CTTN: variants seen among roughly 807,000 people sequenced by gnomAD.
CTTN encodes the protein src substrate cortactin.
A neutral mutation model predicts 84.0 loss-of-function variants in CTTN; 28 were observed. The ratio of observed to expected loss-of-function variants is 0.33; its 90% CI spans 0.25 to 0.46. The LOEUF is 0.46. Among genes scored for constraint, CTTN ranks in the 20% least tolerant of loss-of-function variants. The pLI is 1.00. For synonymous variants in CTTN, 301 were observed against 288.8 expected (o/e 1.04, Z -0.43); for missense variants, 641 against 723.8 (o/e 0.89, Z 1.31).
At chr11:70,400,327 A>G (rs1307311201) in intron 1 of CTTN, among the ~76,000 whole-genome samples, 2 of 152,112 alleles carry the variant, frequency 1.3e-5, no homozygotes, top group South Asian at 2.1e-4. Context: ...TTCGCTGGGC[A>G]TGTTGGCTTG....
At chr11:70,400,283 A>G (rs1051726394) in intron 1 of CTTN, among the ~76,000 whole-genome samples, 1 of 152,144 alleles carries the variant, frequency 6.6e-6, no homozygotes, top group Non-Finnish European at 1.5e-5. Flanking sequence ...AGCCTGGGCA[A>G]CACAGGGAGA....
chr11:70,414,944 G>A (rs1591438093), intron 6 of CTTN, among the ~76,000 whole-genome samples: 1 of 152,264 alleles, frequency 6.6e-6, no homozygotes, highest in Admixed American at 6.5e-5. Flanking sequence ...GTTTCCACCC[G>A]TGTTTCTCAC....
In CTTN at chr11:70,433,353, C is replaced by T. The variant is rs991137256; in HGVS notation, c.1444+75C>T. 5 of 1,433,822 alleles carry T rather than the reference C, an allele frequency of 3.5e-6. No homozygotes were observed. In the African/African-American group the frequency reaches 4.3e-5, roughly 12 times the overall value. 88.8% of individuals were successfully genotyped at this position (1,433,822 alleles called of 1,614,324 possible). A position where few individuals can be genotyped will look rare whatever the true frequency, so the allele number is the denominator to read the frequency against. ...GGACATCCTGCTCGACCTGTGGCGT[C>T]GTTGCGAGGAGCGTGGGTTTCCCAC... is the stretch of plus-strand genomic sequence containing the variant. On this transcript the variant is annotated intron_variant, in intron 16 of 17. Coordinates refer to ENST00000301843, the MANE Select transcript of CTTN (RefSeq NM_005231.4).
rs377198643 is a variant in CTTN, at chr11:70,420,012, CACA to C, written c.679+157_679+159del. The C allele has an allele frequency of 7.4e-4, 475 of 644,040 alleles. 8 individuals are homozygous for C. In the South Asian group the frequency reaches 8.4e-3, roughly 11 times the overall value. The allele number at this position is 644,040 out of a possible 1,614,324, so 39.9% of individuals were successfully genotyped here. On this transcript the variant is annotated intron_variant, in intron 9 of 17. Transcript: ENST00000301843. ...AACTTGAAAACGGCACATCCAGAAA[CACA>C]GCTGCTAAATAGGAACTCGCAGCTT...
chr11:70,422,890 C>G (rs761522121), intron 11 of CTTN, 50 bp from the exon 12 acceptor site: 1 of 1,613,572 alleles, frequency 6.2e-7, no homozygotes, highest in South Asian at 1.1e-5. Flanking sequence ...ACGGCCACCC[C>G]CATGCTCGCC....
chr11:70,428,085 G>T (rs12787159), intron 13 of CTTN, among the ~76,000 whole-genome samples: 31,485 of 150,396 alleles, frequency 0.21, 3,614 homozygotes, highest in Admixed American at 0.26. Flanking sequence ...TCTATTCATG[G>T]TCCTTGAGAC....
intron 15 of CTTN, among the ~76,000 whole-genome samples, chr11:70,431,923 C>T (rs1281304761): frequency 6.6e-6 from 1 of 152,148 alleles, no homozygotes; most frequent in Non-Finnish European, 1.5e-5. Context: ...CTACCTGTAA[C>T]CACCTCTCCT....
At chr11:70,407,271 C>T (rs181476873) in intron 2 of CTTN, 27 bp from the exon 3 acceptor site, 496 of 1,547,770 alleles carry the variant, frequency 3.2e-4, no homozygotes, top group African/African-American at 2.8e-3. Context: ...CTGAGGCCTC[C>T]GTAACCCTCC....
intron 10 of CTTN, among the ~76,000 whole-genome samples, chr11:70,421,154 C>G (rs906973524): frequency 6.6e-6 from 1 of 152,228 alleles, no homozygotes; most frequent in Non-Finnish European, 1.5e-5. Flanking sequence ...GATACGCACA[C>G]TCGTCTGCAG....
intron 4 of CTTN, chr11:70,408,042 T>G (rs1029243626): frequency 2.6e-5 from 4 of 156,366 alleles, no homozygotes; most frequent in African/African-American, 9.6e-5. Flanking sequence ...GAGCTTTGTG[T>G]TCTTATCGAA....
chr11:70,404,739 A>G (rs755648345), intron 1 of CTTN, among the ~76,000 whole-genome samples: 1 of 152,240 alleles, frequency 6.6e-6, no homozygotes, highest in Non-Finnish European at 1.5e-5. Flanking sequence ...GCCATGCCTC[A>G]CACCTGTAAT....
rs1172210639 is a variant in CTTN at position 70,425,455 on chromosome 11, G to A, written c.1027+54G>A. On this transcript the variant is annotated intron_variant, in intron 13 of 17. Coordinates refer to ENST00000301843, the MANE Select transcript of CTTN (RefSeq NM_005231.4). Reference sequence around the variant, plus strand: ...GTGTGGTTTCCCAGGAAAACACTGAGGGGAAGGACAGTTGTGAAACAGCCA... The same window carrying A: ...GTGTGGTTTCCCAGGAAAACACTGAAGGGAAGGACAGTTGTGAAACAGCCA... 4 of 1,384,324 alleles carry A rather than the reference G, an allele frequency of 2.9e-6. No individual in the cohort carries two copies. In the Admixed American group the frequency reaches 7.3e-5, roughly 25 times the overall value. 85.8% of individuals were successfully genotyped at this position (1,384,324 alleles called of 1,614,324 possible).
In CTTN at chr11:70,404,432, C is replaced by T. The variant is rs563688263; in HGVS notation, c.-97-833C>T. ...TTGCTCCCTGCGCGGTAACCGTGTACGTTCATTAGGAATGCAGCCCGCCTC... is the reference window on the plus strand; with the variant it reads ...TTGCTCCCTGCGCGGTAACCGTGTATGTTCATTAGGAATGCAGCCCGCCTC... On this transcript the variant is annotated intron_variant, in intron 1 of 17. Transcript: ENST00000301843. 2.6e-5 allele frequency among the ~76,000 whole-genome samples: 4 copies of T among 152,246 alleles called. No individual in the cohort carries two copies. In the East Asian group the frequency reaches 5.8e-4, roughly 22 times the overall value.
chr11:70,433,022 TGCTG>T (rs2135598067), intron 15 of CTTN, 75 bp from the exon 16 acceptor site: 2 of 1,458,556 alleles, frequency 1.4e-6, no homozygotes, highest in Non-Finnish European at 1.9e-6. Flanking sequence ...CGTGGGTTTC[TGCTG>T]GCTGTGGCAG....
intron 1 of CTTN, among the ~76,000 whole-genome samples, chr11:70,404,985 A>G (rs938086494): frequency 2.6e-5 from 4 of 152,254 alleles, no homozygotes; most frequent in Admixed American, 2.6e-4. Flanking sequence ...CTGTGCAACA[A>G]GAGTGAAACT....
chr11:70,423,853 CTG>C (rs1491226572), intron 12 of CTTN, among the ~76,000 whole-genome samples: 3 of 152,206 alleles, frequency 2.0e-5, no homozygotes, highest in Non-Finnish European at 4.4e-5. Flanking sequence ...GCAAGGAACA[CTG>C]GGGGGGTCTA....
Position 70,423,008 on chromosome 11 carries a change from G to T in CTTN, c.957+13G>T, listed in dbSNP as rs2058257945. On this transcript the variant is annotated intron_variant, in intron 12 of 17. Coordinates refer to ENST00000301843, the MANE Select transcript of CTTN (RefSeq NM_005231.4). ...TCGGATGGATAAGGTAAATATTCCA[G>T]CCCCGGAGCTTAGTGTCTTCTGCCT... 6.2e-7 allele frequency: 1 copy of T among 1,613,818 alleles called. No homozygotes were observed. The highest frequency in any genetic ancestry group is 8.5e-7 in the Non-Finnish European group (1 of 1,179,944).
At chr11:70,428,506 A>G (rs1345378702) in intron 13 of CTTN, among the ~76,000 whole-genome samples, 1 of 151,866 alleles carries the variant, frequency 6.6e-6, no homozygotes, top group Admixed American at 6.6e-5. Flanking sequence ...TTTTTTCTTA[A>G]TAGACACGGG....
intron 1 of CTTN, among the ~76,000 whole-genome samples, chr11:70,402,865 A>G (rs940955523): frequency 2.0e-5 from 3 of 152,200 alleles, no homozygotes; most frequent in Non-Finnish European, 4.4e-5. Flanking sequence ...GCTGAGTCAT[A>G]CAGTACCTGA....
Sources: allele counts gnomAD v4.1 joint callset (sites outside exome capture counted in the v4.1 genomes callset), GRCh38; gene constraint gnomAD v4.1.1; transcripts MANE v1.5; gene names NCBI Gene and HGNC (gene_info 2026-07-23, HGNC 2026-07-21).